Variants in PTPRO observed in about 807,000 individuals in gnomAD.
PTPRO encodes the protein protein tyrosine phosphatase receptor type O.
Under a neutral mutation model 145.2 loss-of-function variants are expected in PTPRO, and 62 were observed. The ratio of observed to expected loss-of-function variants is 0.43; its 90% confidence interval spans 0.35 to 0.53. The LOEUF is 0.53. Among genes scored for constraint, PTPRO ranks in the 20% least tolerant of loss-of-function variants. PTPRO has a pLI of 0.01. For missense variants in PTPRO, 1,345 were observed against 1,482.7 expected (o/e 0.91, Z 1.53); for synonymous variants, 565 against 514.7 (o/e 1.10, Z -1.32).
At chr12:15,351,426 T>C (rs1937799279) in intron 1 of PTPRO, among the ~76,000 whole-genome samples, 1 of 152,148 alleles carries the variant, frequency 6.6e-6, no homozygotes, top group Non-Finnish European at 1.5e-5. Flanking sequence ...AGGCAATCAG[T>C]GTATCCAGTC....
intron 1 of PTPRO, among the ~76,000 whole-genome samples, chr12:15,415,549 T>TGGAGACAATATAAC (rs1565616297): frequency 1.3e-4 from 19 of 150,512 alleles, no homozygotes; most frequent in African/African-American, 4.5e-4. Flanking sequence ...CACACCCGGC[T>TGGAGACAATATAAC]AATTTTTTGT....
chr12:15,468,910 G>A (rs767241054), intron 1 of PTPRO, among the ~76,000 whole-genome samples: 5 of 152,196 alleles, frequency 3.3e-5, no homozygotes, highest in African/African-American at 4.8e-5. Flanking sequence ...AAGGTGGAGG[G>A]CTTATTAAAC....
chr12:15,514,687 TA>T (rs1456726273), intron 7 of PTPRO, among the ~76,000 whole-genome samples: 1 of 152,088 alleles, frequency 6.6e-6, no homozygotes, highest in East Asian at 1.9e-4. Context: ...GGCTTTACTT[TA>T]TTTATTAAAT....
chr12:15,445,128 A>G (rs1940868317), intron 1 of PTPRO, among the ~76,000 whole-genome samples: 1 of 152,154 alleles, frequency 6.6e-6, no homozygotes, highest in African/African-American at 2.4e-5. Flanking sequence ...GTATGATCCC[A>G]CTTTTATTAA....
intron 1 of PTPRO, among the ~76,000 whole-genome samples, chr12:15,396,321 T>C (rs1325060139): frequency 6.6e-6 from 1 of 152,182 alleles, no homozygotes; most frequent in Non-Finnish European, 1.5e-5. Flanking sequence ...TGCACTTGTG[T>C]CTTTAAATAT....
chr12:15,573,569 G>T (rs1944109738), intron 19 of PTPRO, among the ~76,000 whole-genome samples: 1 of 152,106 alleles, frequency 6.6e-6, no homozygotes, highest in Non-Finnish European at 1.5e-5. Context: ...TAATTGGGTG[G>T]TAAGTCCTGA....
At chr12:15,444,436 A>C (rs1940849763) in intron 1 of PTPRO, among the ~76,000 whole-genome samples, 1 of 152,096 alleles carries the variant, frequency 6.6e-6, no homozygotes, top group African/African-American at 2.4e-5. Flanking sequence ...CCTCAGCATC[A>C]CACAATATAT....
chr12:15,475,113 G>A (rs534640341), intron 1 of PTPRO, among the ~76,000 whole-genome samples: 4 of 152,294 alleles, frequency 2.6e-5, no homozygotes, highest in Non-Finnish European at 4.4e-5. Context: ...GAAGCATCAC[G>A]ACACACATTA....
chr12:15,516,619 A>AGGG, intron 8 of PTPRO, 144 bp from the exon 9 acceptor site: 6 of 656,564 alleles, frequency 9.1e-6, no homozygotes, highest in Non-Finnish European at 1.6e-5. Flanking sequence ...GGGAGGAAGG[A>AGGG]AGGAAGGAAG....
intron 25 of PTPRO, among the ~76,000 whole-genome samples, chr12:15,593,208 G>A (rs899563947): frequency 6.6e-6 from 1 of 152,164 alleles, no homozygotes; most frequent in Non-Finnish European, 1.5e-5. Context: ...TCCAAACCGT[G>A]TTGAAAAATA....
At chr12:15,324,328 A>C (rs931065333) in intron 1 of PTPRO, among the ~76,000 whole-genome samples, 16 of 152,244 alleles carry the variant, frequency 1.1e-4, no homozygotes, top group Non-Finnish European at 2.1e-4. Context: ...TGAGTTCTTC[A>C]TAATGAGATA....
rs1471246159 is a variant in PTPRO at position 15,546,560 on chromosome 12, T to C, written c.2165-9T>C. 6.3e-7 allele frequency: 1 copy of C among 1,590,018 alleles called. No homozygotes were observed. The highest frequency in any genetic ancestry group is 2.3e-5 in the East Asian group (1 of 43,042). ...ATTAAATTTTTTTTAAAACTTTGTCTTTGCTCAGAACCAGCTCCACCCAAA... is the reference window on the plus strand; with the variant it reads ...ATTAAATTTTTTTTAAAACTTTGTCCTTGCTCAGAACCAGCTCCACCCAAA... On this transcript the variant is annotated splice_polypyrimidine_tract_variant and intron_variant, in intron 12 of 26. Coordinates refer to ENST00000281171, the MANE Select transcript of PTPRO (RefSeq NM_030667.3).
chr12:15,563,149 T>C (rs1275164355), intron 17 of PTPRO, among the ~76,000 whole-genome samples: 1 of 152,180 alleles, frequency 6.6e-6, no homozygotes, highest in Admixed American at 6.5e-5. Flanking sequence ...CATTAGGATT[T>C]TGAACCTTAC....
Position 15,503,822 on chromosome 12 carries a change from A to T in PTPRO, c.1106-86A>T, listed in dbSNP as rs112739259. ...AAGGAGGGAACATTTAAAACACCTA[A>T]TTTTTTTTCATTAATCGACTTGTCT... On this transcript the variant is annotated intron_variant, in intron 5 of 26. Transcript: ENST00000281171. 7.1e-6 allele frequency: 8 copies of T among 1,128,502 alleles called. No homozygotes were observed. In the Admixed American group the frequency reaches 1.2e-4, roughly 17 times the overall value. 69.9% of individuals were successfully genotyped at this position (1,128,502 alleles called of 1,614,324 possible). A position where few individuals can be genotyped will look rare whatever the true frequency, so the allele number is the denominator to read the frequency against.
intron 17 of PTPRO, among the ~76,000 whole-genome samples, chr12:15,563,773 T>A (rs944854936): frequency 2.0e-5 from 3 of 152,158 alleles, no homozygotes; most frequent in African/African-American, 7.2e-5. Flanking sequence ...CATACATTTG[T>A]TACTTCCTAG....
chr12:15,515,501 A>T lies in PTPRO; in HGVS notation c.1468A>T (p.Asn490Tyr). The T allele has an allele frequency of 6.2e-7, 1 of 1,613,928 alleles. No individual in the cohort carries two copies. Among genetic ancestry groups the T allele is most frequent in the Non-Finnish European group, 8.5e-7 (1 of 1,179,870 alleles). Residue 490 changes from asparagine to tyrosine, a missense_variant, in exon 8 of 27, where the codon AAC (asparagine) becomes TAC (tyrosine). Physicochemically the swap from Asn to Tyr is moderately radical, Grantham distance 143. Coordinates refer to ENST00000281171, the MANE Select transcript of PTPRO (RefSeq NM_030667.3). The part of the protein sequence containing the change: ...RLEKQYCTQV[N>Y]SSKPIIENLV... Reference sequence around the variant, plus strand: ...TTATTGGGTGTTTGGTTTAAAGGTGAACTCAAGCAAACCTATTATTGAAAA... The same window carrying T: ...TTATTGGGTGTTTGGTTTAAAGGTGTACTCAAGCAAACCTATTATTGAAAA...
chr12:15,459,472 C>T (rs958822461), intron 1 of PTPRO, among the ~76,000 whole-genome samples: 19 of 152,180 alleles, frequency 1.2e-4, no homozygotes, highest in African/African-American at 4.6e-4. Flanking sequence ...GGTTTCCTCC[C>T]AAGCATATAG....
rs915734289 is a variant in PTPRO, at chr12:15,501,644, C to G, written c.686C>G (p.Ser229Cys). Reference sequence around the variant, plus strand: ...GCCCCTTATCCACCTCAAAATATTTCCGTTCGTATCGTAAACTTGAACAAA... The same window carrying G: ...GCCCCTTATCCACCTCAAAATATTTGCGTTCGTATCGTAAACTTGAACAAA... ...RTAPYPPQNI[S>C]VRIVNLNKNN... The change falls in exon 5 of 27, where the codon TCC becomes TGC. Residue 229 changes from serine to cysteine, a missense_variant. By Grantham distance (112) the Ser-to-Cys change is moderately radical (BLOSUM62 -1). Around this residue, in one of 3 missense-constraint regions of PTPRO, gnomAD observed 1,130 missense variants for 1,214.7 expected, o/e 0.93. Coordinates refer to ENST00000281171, the MANE Select transcript of PTPRO (RefSeq NM_030667.3). 15 of 1,613,842 alleles carry G rather than the reference C, an allele frequency of 9.3e-6. No homozygotes were observed. The highest frequency in any genetic ancestry group is 1.3e-5 in the Non-Finnish European group (15 of 1,179,808).
intron 6 of PTPRO, among the ~76,000 whole-genome samples, chr12:15,507,762 T>C (rs1565671842): frequency 6.6e-6 from 1 of 152,240 alleles, no homozygotes; most frequent in Non-Finnish European, 1.5e-5. Context: ...GTAGAGCGAC[T>C]TGCTCCTTTT....
Sources: allele counts gnomAD v4.1 joint callset (sites outside exome capture counted in the v4.1 genomes callset), GRCh38; gene constraint gnomAD v4.1.1; regional missense constraint gnomAD v4.1.1; transcripts MANE v1.5; gene names NCBI Gene and HGNC (gene_info 2026-07-23, HGNC 2026-07-21).